Variants in CHFR observed in about 807,000 individuals in gnomAD.
CHFR encodes the protein E3 ubiquitin-protein ligase CHFR.
Under a neutral mutation model 87.6 loss-of-function variants are expected in CHFR, and 57 were observed. The ratio of observed to expected loss-of-function variants is 0.65; its 90% CI spans 0.53 to 0.81. The LOEUF is 0.81. Ranked by LOEUF, CHFR falls within the 30% of genes least tolerant of loss-of-function variation. CHFR has a pLI of 0.00. For missense variants in CHFR, 797 were observed against 865.8 expected (o/e 0.92, Z 1.00); for synonymous variants, 381 against 359.2 (o/e 1.06, Z -0.69).
chr12:132,851,340 C>T (rs1462203227), intron 12 of CHFR, among the ~76,000 whole-genome samples: 1 of 152,070 alleles, frequency 6.6e-6, no homozygotes, highest in Non-Finnish European at 1.5e-5. Flanking sequence ...TTAACAGTGA[C>T]ACATTATAAA....
chr12:132,873,587 G>A (rs1391037840), intron 3 of CHFR, among the ~76,000 whole-genome samples: 2 of 148,924 alleles, frequency 1.3e-5, no homozygotes, highest in Non-Finnish European at 3.0e-5. Flanking sequence ...GTGCATGCAG[G>A]GGCGCTGGAG....
At chr12:132,843,200 T>G in intron 16 of CHFR, 117 bp from the exon 17 acceptor site, 1 of 878,814 alleles carries the variant, frequency 1.1e-6, no homozygotes, top group Non-Finnish European at 1.9e-6. Flanking sequence ...CGGCCTCTGG[T>G]CCCTCCATAA....
intron 3 of CHFR, among the ~76,000 whole-genome samples, chr12:132,875,373 G>A (rs914414999): frequency 1.3e-5 from 2 of 152,160 alleles, no homozygotes; most frequent in Non-Finnish European, 2.9e-5. Flanking sequence ...CGGGTGTGGG[G>A]GCTCACACTT....
intron 2 of CHFR, among the ~76,000 whole-genome samples, chr12:132,885,104 A>C (rs1408195198): frequency 6.6e-6 from 1 of 150,440 alleles, no homozygotes; most frequent in Non-Finnish European, 1.5e-5. Flanking sequence ...TAAAAAAATA[A>C]AATAAAATAA....
At chr12:132,876,965 T>G (rs1951644063) in intron 3 of CHFR, among the ~76,000 whole-genome samples, 1 of 152,018 alleles carries the variant, frequency 6.6e-6, no homozygotes, top group Non-Finnish European at 1.5e-5. Context: ...CGGCTAATTT[T>G]TATATTTTTA....
chr12:132,870,598 T>G (rs1208758569), intron 5 of CHFR, 126 bp downstream of exon 5: 3 of 576,670 alleles, frequency 5.2e-6, no homozygotes, highest in Non-Finnish European at 9.3e-6. Context: ...AGGCGGAGGC[T>G]GCAGTGAGCT....
intron 3 of CHFR, among the ~76,000 whole-genome samples, chr12:132,876,749 T>C (rs569252728): frequency 2.0e-5 from 3 of 152,338 alleles, no homozygotes; most frequent in Admixed American, 2.0e-4. Context: ...CATCTTCTAA[T>C]ACCTTGGGAG....
chr12:132,879,636 G>A (rs12822648), intron 2 of CHFR, among the ~76,000 whole-genome samples: 40,901 of 151,800 alleles, frequency 0.27, 5,817 homozygotes, highest in Middle Eastern at 0.42. Context: ...TGATATGCCC[G>A]CCTCGGCTTC....
intron 2 of CHFR, among the ~76,000 whole-genome samples, chr12:132,879,112 C>T (rs1440206994): frequency 6.7e-6 from 1 of 148,390 alleles, no homozygotes; most frequent in Non-Finnish European, 1.5e-5. Context: ...TCAAGCCATT[C>T]TCCTGCCTCA....
intron 4 of CHFR, chr12:132,871,880 A>T (rs903790846): frequency 1.4e-4 from 24 of 173,176 alleles, no homozygotes; most frequent in Non-Finnish European, 1.8e-4. Context: ...AGCTGAAAAA[A>T]CTTACTGGAA....
At chr12:132,871,600 C>T (rs566845743) in intron 4 of CHFR, among the ~76,000 whole-genome samples, 13 of 147,182 alleles carry the variant, frequency 8.8e-5, no homozygotes, top group African/African-American at 3.3e-4. Context: ...GGCAAAACCC[C>T]GTCTCTACTA....
At chr12:132,848,852 C>T (rs753097471) in intron 12 of CHFR, 128 bp from the exon 13 acceptor site, 11 of 674,932 alleles carry the variant, frequency 1.6e-5, no homozygotes, top group East Asian at 1.4e-4. Flanking sequence ...TCATGGAAAT[C>T]GGGGCGGGGC....
At chr12:132,883,177 C>A (rs932377718) in intron 2 of CHFR, among the ~76,000 whole-genome samples, 7 of 152,122 alleles carry the variant, frequency 4.6e-5, no homozygotes, top group Non-Finnish European at 7.4e-5. Flanking sequence ...CCTGTAATCC[C>A]AGCACATTGG....
chr12:132,844,179 C>T (rs1465675838), intron 15 of CHFR, 45 bp from the exon 16 acceptor site: 1 of 1,307,030 alleles, frequency 7.7e-7, no homozygotes, highest in Non-Finnish European at 1.1e-6. Context: ...ATCTTCCCAA[C>T]AGCAGCGCAC....
rs1018992203 is a variant in CHFR at position 132,838,745 on chromosome 12, T to C, written c.*2809A>G. On this transcript the variant is annotated 3_prime_UTR_variant, in exon 18 of 18. Coordinates refer to ENST00000450056, the MANE Select transcript of CHFR (RefSeq NM_001161346.2). ...AACCACCACAGCCGGTCAGTTTTGC[T>C]GGGTGGGATGGCTGGGTCTTGAGGA... 10 of 152,370 alleles carry C rather than the reference T, an allele frequency of 6.6e-5. No homozygotes were observed. Among genetic ancestry groups the C allele is most frequent in the African/African-American group, 2.4e-4 (10 of 41,552 alleles). The allele number at this position is 152,370 out of a possible 1,614,324, so 9.4% of individuals were successfully genotyped here.
intron 2 of CHFR, among the ~76,000 whole-genome samples, chr12:132,882,634 C>A (rs1238974922): frequency 6.6e-6 from 1 of 152,020 alleles, no homozygotes; most frequent in Non-Finnish European, 1.5e-5. Flanking sequence ...CCTTCAAGCC[C>A]CAAAACCAGT....
At position 132,841,551 on chromosome 12, in the gene CHFR, T is replaced by C; in HGVS notation, c.*3A>G. The C allele has an allele frequency of 6.2e-7, 1 of 1,613,322 alleles. No homozygotes were observed. Among genetic ancestry groups the C allele is most frequent in the Non-Finnish European group, 8.5e-7 (1 of 1,179,248 alleles). ...CTGAAAGCTGCTCAGGGCCTCTGGATGCTTAGTTTTTGAACCTTGTCTGTT... is the reference window on the plus strand; with the variant it reads ...CTGAAAGCTGCTCAGGGCCTCTGGACGCTTAGTTTTTGAACCTTGTCTGTT... On this transcript the variant is annotated 3_prime_UTR_variant, in exon 18 of 18. Coordinates refer to ENST00000450056, the MANE Select transcript of CHFR (RefSeq NM_001161346.2).
chr12:132,864,213 G>A (rs368570990), intron 6 of CHFR, among the ~76,000 whole-genome samples: 2 of 150,776 alleles, frequency 1.3e-5, no homozygotes, highest in Non-Finnish European at 1.5e-5. Context: ...TACAGCAGCT[G>A]AAAGAAAACA....
chr12:132,864,125 C>T (rs1444638582), intron 6 of CHFR, among the ~76,000 whole-genome samples: 1 of 151,210 alleles, frequency 6.6e-6, no homozygotes, highest in African/African-American at 2.4e-5. Flanking sequence ...TATCATATTA[C>T]AGCATAATAC....
Sources: gnomAD v4.1 joint callset for allele counts (sites outside exome capture counted in the v4.1 genomes callset) on GRCh38, gnomAD v4.1.1 for gene constraint, MANE v1.5 for transcripts, NCBI Gene and HGNC (gene_info 2026-07-23, HGNC 2026-07-21) for gene names.